The following RELA variants were observed in gnomAD, a reference collection of about 807,000 sequenced individuals.
RELA encodes the protein transcription factor p65.
Under a neutral mutation model 56.7 loss-of-function variants are expected in RELA, and 14 were observed. The ratio of observed to expected loss-of-function variants is 0.25; its 90% CI spans 0.16 to 0.39. The LOEUF (loss-of-function observed/expected upper bound fraction) is 0.39, where lower values mean the gene tolerates loss of function less well. RELA is among the 10% of genes least tolerant of loss of function. The pLI is 1.00. For missense variants in RELA, 559 were observed against 736.4 expected (o/e 0.76, Z 2.79); for synonymous variants, 315 against 289.7 (o/e 1.09, Z -0.89).
At chr11:65,662,493 CAG>C in intron 1 of RELA, 2 of 474,000 alleles carry the variant, frequency 4.2e-6, no homozygotes, top group Non-Finnish European at 3.7e-6. Context: ...CACCTCCCTC[CAG>C]AGAGGAAACT....
At chr11:65,661,286 C>A (rs992533071) in intron 4 of RELA, 3 of 162,564 alleles carry the variant, frequency 1.8e-5, no homozygotes, top group African/African-American at 7.2e-5. Flanking sequence ...CTTGGCCTCC[C>A]GAAGTGCTAG....
chr11:65,655,966 GCTCT>G, intron 8 of RELA, 31 bp from the exon 9 acceptor site: 1 of 1,595,890 alleles, frequency 6.3e-7, no homozygotes, highest in Non-Finnish European at 8.6e-7. Context: ...AGTGGGACTT[GCTCT>G]CCTCAGGTGG....
In RELA at chr11:65,655,855, C is replaced by G. The variant is rs767155175; in HGVS notation, c.958G>C (p.Gly320Arg). The G allele has an allele frequency of 1.9e-6, 3 of 1,614,036 alleles. No homozygotes were observed. The highest frequency in any genetic ancestry group is 4.5e-5 in the East Asian group (2 of 44,886). Residue 320 changes from glycine to arginine, a missense_variant and splice_region_variant, in exon 9 of 11, where the codon GGA (glycine) becomes CGA (arginine). This residue lies in a region of RELA where 365 missense variants were observed against 387.5 expected (regional missense o/e 0.94). Transcript: ENST00000406246. ...KSIMKKSPFS[G>R]PTDPRPPPRR... ...CTGGCTTTCCCAGTCCCCATCTCACCGCTGAAAGGACTCTTCTTCATGATG... is the reference window on the plus strand; with the variant it reads ...CTGGCTTTCCCAGTCCCCATCTCACGGCTGAAAGGACTCTTCTTCATGATG...
At position 65,662,176 on chromosome 11, in the gene RELA, T is replaced by C; in HGVS notation, c.34+3A>G. The C allele has an allele frequency of 6.3e-7, 1 of 1,589,528 alleles. No homozygotes were observed. The highest frequency in any genetic ancestry group is 8.5e-7 in the Non-Finnish European group (1 of 1,172,118). On this transcript the variant is annotated splice_donor_region_variant and intron_variant, in intron 2 of 10. Transcript: ENST00000406246. The stretch of plus-strand genomic sequence containing the variant: ...CTCCCCGACCGCCGCGGGGGCCACT[T>C]ACCTGCCGGGAAGATGAGGGGGAAC...
chr11:65,661,029 CTCTT>C (rs1389689568), intron 4 of RELA, among the ~76,000 whole-genome samples: 2 of 126,678 alleles, frequency 1.6e-5, no homozygotes, highest in South Asian at 2.6e-4. Flanking sequence ...CAGAGCAAGA[CTCTT>C]TCTTAAAAAA....
intron 4 of RELA, 78 bp from the exon 5 acceptor site, chr11:65,660,293 T>A: frequency 7.6e-7 from 1 of 1,319,992 alleles, no homozygotes; most frequent in Non-Finnish European, 1.1e-6. Context: ...TGCTCCTTCC[T>A]ACTCTGCCCA....
rs773748330 is a variant in RELA, at chr11:65,654,915, G to C, written c.1119C>G (p.Ile373Met). Residue 373 changes from isoleucine (I) to methionine (M), a missense_variant, in exon 11 of 11, where the codon ATC becomes ATG. Around this residue, in one of 4 missense-constraint regions of RELA, gnomAD observed 365 missense variants for 387.5 expected, o/e 0.94. Transcript: ENST00000406246. ...CCGGGGCCAAGGCCGAGGCCTGGCT[G>C]ATCTGCCCAGAAGGAAACACCATGG... ...FPTMVFPSGQ[I>M]SQASALAPAP... 6.3e-7 allele frequency: 1 copy of C among 1,598,320 alleles called. No homozygotes were observed. The highest frequency in any genetic ancestry group is 8.5e-7 in the Non-Finnish European group (1 of 1,173,014).
At position 65,654,842 on chromosome 11, in the gene RELA, C is replaced by A. The variant is rs1355903094; in HGVS notation, c.1192G>T (p.Ala398Ser). ...PQAPAPAPAP[A>S]MVSALAQAPA... is the part of the protein sequence containing the mutation. The stretch of plus-strand genomic sequence containing the variant: ...GCCTGGGCCAGAGCTGATACCATGG[C>A]TGGAGCAGGGGCAGGGGCTGGAGCC... The change falls in exon 11 of 11, where the codon GCC becomes TCC. Residue 398 changes from alanine (A) to serine (S), a missense_variant. Coordinates refer to ENST00000406246, the MANE Select transcript of RELA (RefSeq NM_021975.4). 6.4e-7 allele frequency: 1 copy of A among 1,556,258 alleles called. No homozygotes were observed. Among genetic ancestry groups the A allele is most frequent in the Non-Finnish European group, 8.7e-7 (1 of 1,147,728 alleles).
chr11:65,663,004 G>T, upstream of RELA: 1 of 345,020 alleles, frequency 2.9e-6, no homozygotes, highest in Non-Finnish European at 4.7e-6. Context: ...GGGGCCGGGA[G>T]CAAGTGCACG....
At chr11:65,659,092 C>A (rs538806171) in intron 6 of RELA, among the ~76,000 whole-genome samples, 38 of 152,320 alleles carry the variant, frequency 2.5e-4, no homozygotes, top group African/African-American at 8.4e-4. Context: ...AGCTTATAGT[C>A]CAGTGGGTGC....
rs11568296 is a variant in RELA, at chr11:65,660,407, C to A, written c.336-192G>T. On this transcript the variant is annotated intron_variant, in intron 4 of 10. Transcript: ENST00000406246. Reference sequence around the variant, plus strand: ...GCTGACAAGCACCTCCGTGCCCCTGCCCCTGCCAGCCTCCCTGTGGGCTCC... The same window carrying A: ...GCTGACAAGCACCTCCGTGCCCCTGACCCTGCCAGCCTCCCTGTGGGCTCC... 526 of 603,580 alleles carry A rather than the reference C, an allele frequency of 8.7e-4. 2 individuals carry two copies. In the African/African-American group the frequency reaches 8.9e-3, roughly 10 times the overall value. 37.4% of individuals were successfully genotyped at this position (603,580 alleles called of 1,614,324 possible).
At position 65,660,112 on chromosome 11, in the gene RELA, GT is replaced by G. The variant is rs759572199; in HGVS notation, c.427+11del. 1.2e-6 allele frequency: 2 copies of G among 1,613,160 alleles called. No individual in the cohort carries two copies. The highest frequency in any genetic ancestry group is 2.7e-5 in the African/African-American group (2 of 75,014). ...CAGAGGGTGCGGGTGTGGCAGGCAG[GT>G]TTGCCCTCACCTTGGAAGGGGTTGT... On this transcript the variant is annotated intron_variant, in intron 5 of 10. Transcript: ENST00000406246.
chr11:65,654,893 G>A lies in RELA; in HGVS notation c.1141C>T (p.Pro381Ser). Residue 381 changes from proline to serine, a missense_variant, in exon 11 of 11, where the codon CCG (proline) becomes TCG (serine). Around this residue, in one of 4 missense-constraint regions of RELA, gnomAD observed 365 missense variants for 387.5 expected, o/e 0.94. Transcript: ENST00000406246. ...GQISQASALA[P>S]APPQVLPQAP... ...TGGGGCAGGACTTGGGGAGGGGCCG[G>A]GGCCAAGGCCGAGGCCTGGCTGATC... The A allele has an allele frequency of 6.3e-7, 1 of 1,586,686 alleles. No homozygotes were observed. Among genetic ancestry groups the A allele is most frequent in the Non-Finnish European group, 8.6e-7 (1 of 1,166,302 alleles).
intron 10 of RELA, 75 bp downstream of exon 10, chr11:65,655,613 A>G (rs764602850): frequency 7.0e-7 from 1 of 1,425,114 alleles, no homozygotes; most frequent in Non-Finnish European, 9.8e-7. Flanking sequence ...GGGGCCCAGG[A>G]GTCTTCATCT....
chr11:65,658,653 C>A lies in RELA; in HGVS notation c.664+65G>T. The A allele has an allele frequency of 6.7e-7, 1 of 1,500,082 alleles. No homozygotes were observed. The highest frequency in any genetic ancestry group is 1.1e-5 in the South Asian group (1 of 88,550). 92.9% of individuals were successfully genotyped at this position (1,500,082 alleles called of 1,614,324 possible). A position where few individuals can be genotyped will look rare whatever the true frequency, so the allele number is the denominator to read the frequency against. On this transcript the variant is annotated intron_variant, in intron 7 of 10. Transcript: ENST00000406246. The surrounding 1 kb of genome is among the most constrained non-coding windows in gnomAD (Gnocchi z 4.5). Reference sequence around the variant, plus strand: ...AGTATCCAAAGCCAGTTACCTGACACTCCACTTCTCTGCTCAGCTTCACCC... The same window carrying A: ...AGTATCCAAAGCCAGTTACCTGACAATCCACTTCTCTGCTCAGCTTCACCC...
chr11:65,659,928 C>G, intron 5 of RELA, 131 bp from the exon 6 acceptor site: 1 of 1,294,068 alleles, frequency 7.7e-7, no homozygotes, highest in Non-Finnish European at 1.1e-6. Flanking sequence ...GGAGGCAGAA[C>G]CCAGCACTGA....
chr11:65,657,936 G>C (rs1856472037), intron 8 of RELA, among the ~76,000 whole-genome samples: 1 of 152,188 alleles, frequency 6.6e-6, no homozygotes, highest in Non-Finnish European at 1.5e-5. Context: ...TGTGGCAAAA[G>C]GATCCTGAAG....
At chr11:65,655,321 A>G (rs1856395484) in intron 10 of RELA, 3 of 569,588 alleles carry the variant, frequency 5.3e-6, no homozygotes, top group Admixed American at 3.3e-5. Context: ...CAATGAGCCC[A>G]TGGAGCACCA....
intron 1 of RELA, chr11:65,662,609 G>A (rs979242922): frequency 8.0e-6 from 3 of 376,352 alleles, no homozygotes; most frequent in South Asian, 1.2e-4. Context: ...CCCCACCCAG[G>A]GAGGATGCTG....
Sources: gnomAD v4.1 joint callset for allele counts (sites outside exome capture counted in the v4.1 genomes callset) on GRCh38, gnomAD v4.1.1 for gene constraint, gnomAD v4.1.1 regional missense constraint, Gnocchi (gnomAD v3.1) non-coding constraint, MANE v1.5 for transcripts, NCBI Gene and HGNC (gene_info 2026-07-23, HGNC 2026-07-21) for gene names.